Variants in NAALADL2 observed in about 807,000 individuals in gnomAD.
NAALADL2 encodes the protein inactive N-acetylated-alpha-linked acidic dipeptidase-like protein 2.
A neutral mutation model predicts 87.2 loss-of-function variants in NAALADL2; 76 were observed. That is an observed-to-expected ratio of 0.87 (90% CI 0.72 to 1.05). NAALADL2 has a LOEUF of 1.05. Among genes scored for constraint, NAALADL2 ranks in the 50% least tolerant of loss-of-function variants. The pLI is 0.00. For synonymous variants in NAALADL2, 354 were observed against 331.0 expected, an observed-to-expected ratio of 1.07 and a Z score of -0.75; for missense variants, 1,089 against 945.8, an observed-to-expected ratio of 1.15 and a Z score of -1.99.
At chr3:175,789,107 T>C (rs1245125710) in intron 13 of NAALADL2, among the ~76,000 whole-genome samples, 1 of 152,200 alleles carries the variant, frequency 6.6e-6, no homozygotes, top group East Asian at 1.9e-4. Context: ...TCTGAAACTG[T>C]TCAATCACTC....
chr3:175,077,860 G>A (rs1376958100), intron 1 of NAALADL2, among the ~76,000 whole-genome samples: 3 of 152,052 alleles, frequency 2.0e-5, no homozygotes, highest in Non-Finnish European at 4.4e-5. Context: ...TGGACTACAG[G>A]AAGTGAAAGC....
chr3:174,675,034 CT>C (rs1726917803), intron 2 of NAALADL2, among the ~76,000 whole-genome samples: 1 of 151,996 alleles, frequency 6.6e-6, no homozygotes, highest in Non-Finnish European at 1.5e-5. Flanking sequence ...TGTGATGTAA[CT>C]TTTGGTCTAA....
At chr3:174,616,660 C>A (rs1023150269) in intron 2 of NAALADL2, among the ~76,000 whole-genome samples, 1 of 151,788 alleles carries the variant, frequency 6.6e-6, no homozygotes, top group African/African-American at 2.4e-5. Context: ...GTTTTCTTAT[C>A]TACTGTATGT....
At chr3:174,547,182 G>A (rs1168808849) in intron 1 of NAALADL2, among the ~76,000 whole-genome samples, 1 of 152,058 alleles carries the variant, frequency 6.6e-6, no homozygotes, top group Non-Finnish European at 1.5e-5. Flanking sequence ...TAGAATAGCA[G>A]TAACATAATC....
intron 2 of NAALADL2, among the ~76,000 whole-genome samples, chr3:175,114,562 G>A (rs1169931810): frequency 6.6e-6 from 1 of 151,594 alleles, no homozygotes; most frequent in African/African-American, 2.4e-5. Context: ...TTAGAGCACT[G>A]CAAAACTAGC....
intron 5 of NAALADL2, among the ~76,000 whole-genome samples, chr3:175,367,179 G>T (rs1312156592): frequency 6.6e-6 from 1 of 151,476 alleles, no homozygotes; most frequent in Non-Finnish European, 1.5e-5. Flanking sequence ...TAGATATGCG[G>T]CGTTATTTCT....
chr3:175,459,581 A>G (rs1722807953), intron 6 of NAALADL2, among the ~76,000 whole-genome samples: 1 of 152,144 alleles, frequency 6.6e-6, no homozygotes, highest in South Asian at 2.1e-4. Context: ...CCACACGTAT[A>G]TATTTTATAG....
rs142448197 is a variant in NAALADL2, at chr3:175,202,972, G to A, written c.546-30959G>A. Among the ~76,000 whole-genome samples the A allele has an allele frequency of 4.2e-3, 637 of 151,950 alleles. 2 individuals are homozygous for A. The highest frequency in any genetic ancestry group is 0.013 in the African/African-American group (544 of 41,480). ...ACCGGTCTTGCACCCACCTTCCCCCGCCCAAACCCCTCCAAAACAGCCCCA... is the reference window on the plus strand; with the variant it reads ...ACCGGTCTTGCACCCACCTTCCCCCACCCAAACCCCTCCAAAACAGCCCCA... On this transcript the variant is annotated intron_variant, in intron 2 of 13. Coordinates refer to ENST00000454872, the MANE Select transcript of NAALADL2 (RefSeq NM_207015.3).
intron 1 of NAALADL2, among the ~76,000 whole-genome samples, chr3:175,050,977 G>A (rs1421765194): frequency 6.6e-6 from 1 of 152,128 alleles, no homozygotes; most frequent in Non-Finnish European, 1.5e-5. Context: ...ATTTGAAGAA[G>A]GAAATATACT....
In NAALADL2 at chr3:175,287,021, A is replaced by T. The variant is rs138549177; in HGVS notation, c.939+30491A>T. ...GATGGGGCGGAGGTGGAGTAGGAGG[A>T]TCCCTTGAGGCCAGCAGGCTGAGGC... On this transcript the variant is annotated intron_variant, in intron 4 of 13. Transcript: ENST00000454872. Among the ~76,000 whole-genome samples, 232 of 152,068 alleles carry T rather than the reference A, an allele frequency of 1.5e-3. 2 individuals are homozygous for T. The East Asian group carries it at 0.021, about 14-fold the overall frequency.
At chr3:174,987,827 T>TATATAAATATATATATATATATATATAA (rs1222203525) in intron 1 of NAALADL2, among the ~76,000 whole-genome samples, 68 of 130,234 alleles carry the variant, frequency 5.2e-4, no homozygotes, top group African/African-American at 2.1e-3. Flanking sequence ...TATATATATA[T>TATATAAATATATATATATATATATATAA]AATGAGACCT....
At chr3:174,914,088 A>T (rs1734060171) in intron 1 of NAALADL2, among the ~76,000 whole-genome samples, 1 of 149,570 alleles carries the variant, frequency 6.7e-6, no homozygotes, top group Non-Finnish European at 1.5e-5. Context: ...TTAGAGACGG[A>T]GTCTCACTCT....
At chr3:175,417,117 GAAAAAA>G (rs11424007) in intron 5 of NAALADL2, among the ~76,000 whole-genome samples, 1 of 125,502 alleles carries the variant, frequency 8.0e-6, no homozygotes, top group Non-Finnish European at 1.7e-5. Context: ...GAAGAGAAAA[GAAAAAA>G]AAAAAAAAAA....
chr3:175,268,973 C>T (rs1752391693), intron 4 of NAALADL2, among the ~76,000 whole-genome samples: 1 of 149,590 alleles, frequency 6.7e-6, no homozygotes, highest in African/African-American at 2.5e-5. Context: ...CGGTCTCCCT[C>T]TGTCACCCAG....
chr3:174,926,292 A>G (rs1026311924), intron 1 of NAALADL2, among the ~76,000 whole-genome samples: 1 of 152,312 alleles, frequency 6.6e-6, no homozygotes, highest in African/African-American at 2.4e-5. Flanking sequence ...GCAGGGTATT[A>G]TCCAGGAGAA....
chr3:175,217,482 G>A (rs1326437573), intron 2 of NAALADL2, among the ~76,000 whole-genome samples: 1 of 152,186 alleles, frequency 6.6e-6, no homozygotes, highest in East Asian at 1.9e-4. Context: ...GCATGATTTA[G>A]TTTGGAAATA....
chr3:175,192,374 G>T (rs540895782), intron 2 of NAALADL2, among the ~76,000 whole-genome samples: 1 of 152,128 alleles, frequency 6.6e-6, no homozygotes, highest in South Asian at 2.1e-4. Context: ...AAATTCTTAT[G>T]CTATGAATAG....
At chr3:175,431,524 T>C (rs1043523400) in intron 5 of NAALADL2, among the ~76,000 whole-genome samples, 1 of 152,000 alleles carries the variant, frequency 6.6e-6, no homozygotes, top group Non-Finnish European at 1.5e-5. Context: ...GAGCTAAGTA[T>C]TAGGCAGCTT....
chr3:175,071,665 T>G (rs1016008233), intron 1 of NAALADL2, among the ~76,000 whole-genome samples: 1 of 152,022 alleles, frequency 6.6e-6, no homozygotes, highest in African/African-American at 2.4e-5. Flanking sequence ...GGGAATGTTA[T>G]TGGGCCAAAT....
Sources: gnomAD v4.1 joint callset for allele counts (sites outside exome capture counted in the v4.1 genomes callset) on GRCh38, gnomAD v4.1.1 for gene constraint, MANE v1.5 for transcripts, NCBI Gene and HGNC (gene_info 2026-07-23, HGNC 2026-07-21) for gene names.